BTBD7: variants seen among roughly 807,000 people sequenced by gnomAD.
The protein encoded by BTBD7 is BTB domain containing 7.
BTBD7 carries 38 observed loss-of-function variants against 99.9 expected under a neutral mutation model. The observed-to-expected ratio is 0.38, with a 90% CI of 0.29 to 0.50. The LOEUF (loss-of-function observed/expected upper bound fraction) is 0.50, where lower values mean the gene tolerates loss of function less well. BTBD7 is among the 20% of genes least tolerant of loss of function. The pLI, the probability that BTBD7 is intolerant of heterozygous loss-of-function variation, is 0.93. For synonymous variants in BTBD7, 520 were observed against 511.4 expected, an observed-to-expected ratio of 1.02 and a Z score of -0.23; for missense variants, 1,170 against 1,394.6, an observed-to-expected ratio of 0.84 and a Z score of 2.57.
chr14:93,304,925 C>G lies in BTBD7; in HGVS notation c.-106-8768G>C, dbSNP rs1055081350. Among the ~76,000 whole-genome samples the G allele has an allele frequency of 8.4e-4, 128 of 152,188 alleles. 1 individual carries two copies. Among genetic ancestry groups the G allele is most frequent in the Admixed American group, 4.6e-4 (7 of 15,282 alleles). On this transcript the variant is annotated intron_variant, in intron 1 of 10. Transcript: ENST00000334746. ...GAGTAAGCCTGAGACTATGGCTGCA[C>G]AGACAGAAGAGAACACAGAACAAAA... is the stretch of plus-strand genomic sequence containing the variant.
rs1218871779 is a variant in BTBD7 at position 93,251,645 on chromosome 14, A to G, written c.1760T>C (p.Leu587Pro). The change falls in exon 8 of 11, where the codon CTA becomes CCA. Residue 587 changes from leucine (L) to proline (P), a missense_variant. Physicochemically the swap from Leu to Pro is moderately conservative, Grantham distance 98 (BLOSUM62 -3). This residue lies in a region of BTBD7 where 309 missense variants were observed against 342.0 expected (regional missense o/e 0.90). Coordinates refer to ENST00000334746, the MANE Select transcript of BTBD7 (RefSeq NM_001002860.4). ...SPYVEEAKSV[L>P]DEMMVEQTDL... ...CGTTTGTTCCACCATCATCTCATCTAGCACTGACTGAAATAATCATTCAGT... is the reference window on the plus strand; with the variant it reads ...CGTTTGTTCCACCATCATCTCATCTGGCACTGACTGAAATAATCATTCAGT... 6.3e-7 allele frequency: 1 copy of G among 1,591,888 alleles called. No individual in the cohort carries two copies. The highest frequency in any genetic ancestry group is 1.7e-5 in the Admixed American group (1 of 59,586).
chr14:93,279,776 T>A (rs745565937), intron 3 of BTBD7, among the ~76,000 whole-genome samples: 25 of 152,234 alleles, frequency 1.6e-4, no homozygotes, highest in Non-Finnish European at 3.5e-4. Context: ...GACTATCATT[T>A]TCATTACTTT....
At chr14:93,270,156 C>T (rs1159811886) in intron 3 of BTBD7, among the ~76,000 whole-genome samples, 1 of 152,076 alleles carries the variant, frequency 6.6e-6, no homozygotes, top group Non-Finnish European at 1.5e-5. Flanking sequence ...AGTGCAGTGG[C>T]GTGATCTCAG....
At chr14:93,275,673 A>AT (rs912149657) in intron 3 of BTBD7, among the ~76,000 whole-genome samples, 2 of 152,104 alleles carry the variant, frequency 1.3e-5, no homozygotes, top group South Asian at 2.1e-4. Context: ...ATATAAGGCC[A>AT]TTTTTTTGCT....
intron 3 of BTBD7, among the ~76,000 whole-genome samples, chr14:93,290,828 C>T (rs1011441735): frequency 8.6e-5 from 13 of 151,756 alleles, no homozygotes; most frequent in African/African-American, 2.7e-4. Flanking sequence ...GGACTAGAAG[C>T]GTGTACCATG....
intron 9 of BTBD7, among the ~76,000 whole-genome samples, chr14:93,246,490 A>T (rs1221153601): frequency 6.6e-6 from 1 of 152,252 alleles, no homozygotes; most frequent in Non-Finnish European, 1.5e-5. Flanking sequence ...AGCCTAGGAC[A>T]CAGCCATGAA....
chr14:93,321,100 A>G (rs1037485015), intron 1 of BTBD7, among the ~76,000 whole-genome samples: 6 of 152,196 alleles, frequency 3.9e-5, no homozygotes, highest in African/African-American at 1.4e-4. Flanking sequence ...TAAAAATTTC[A>G]CTTTGTATAA....
At chr14:93,258,606 A>C (rs1385874039) in intron 5 of BTBD7, among the ~76,000 whole-genome samples, 1 of 152,128 alleles carries the variant, frequency 6.6e-6, no homozygotes, top group Non-Finnish European at 1.5e-5. Flanking sequence ...ATTTTTTAAG[A>C]TGGAGTCTTG....
In BTBD7 at chr14:93,248,348, C is replaced by T. The variant is rs565001977; in HGVS notation, c.2121+128G>A. ...GGAGGGACTTGCAGGTTATCAAAGACACCAAAGGCAGTGAAAAAGCACATA... is the reference window on the plus strand; with the variant it reads ...GGAGGGACTTGCAGGTTATCAAAGATACCAAAGGCAGTGAAAAAGCACATA... On this transcript the variant is annotated intron_variant, in intron 9 of 10. Transcript: ENST00000334746. The T allele has an allele frequency of 9.5e-6, 9 of 945,672 alleles. No homozygotes were observed. In the African/African-American group the frequency reaches 1.5e-4, roughly 16 times the overall value. The allele number at this position is 945,672 out of a possible 1,614,324, so 58.6% of individuals were successfully genotyped here.
intron 1 of BTBD7, among the ~76,000 whole-genome samples, chr14:93,298,673 AT>A (rs1183232806): frequency 2.0e-5 from 3 of 152,216 alleles, no homozygotes; most frequent in Non-Finnish European, 4.4e-5. Context: ...TACTTAAACC[AT>A]GTCAAAAATC....
At chr14:93,276,871 GAC>G (rs140043990) in intron 3 of BTBD7, among the ~76,000 whole-genome samples, 8 of 145,984 alleles carry the variant, frequency 5.5e-5, no homozygotes, top group Admixed American at 6.9e-5. Context: ...TTCAAGCCAC[GAC>G]ACACACACAC....
chr14:93,317,658 CTA>C (rs2139816389), intron 1 of BTBD7, among the ~76,000 whole-genome samples: 1 of 152,342 alleles, frequency 6.6e-6, no homozygotes, highest in East Asian at 1.9e-4. Context: ...CCTAAGACTG[CTA>C]TCTTTAGAAA....
At chr14:93,258,027 G>A (rs1170093321) in intron 5 of BTBD7, among the ~76,000 whole-genome samples, 1 of 152,114 alleles carries the variant, frequency 6.6e-6, no homozygotes, top group East Asian at 1.9e-4. Context: ...GTATGCTTAT[G>A]CTATTGAGGT....
At chr14:93,246,313 A>T in intron 9 of BTBD7, 27 bp from the exon 10 acceptor site, 1 of 1,335,470 alleles carries the variant, frequency 7.5e-7, no homozygotes, top group Non-Finnish European at 1.0e-6. Context: ...AAAAAAAAAA[A>T]GGACATTTAT....
At chr14:93,298,906 A>C (rs903926538) in intron 1 of BTBD7, among the ~76,000 whole-genome samples, 9 of 152,180 alleles carry the variant, frequency 5.9e-5, no homozygotes, top group Non-Finnish European at 8.8e-5. Context: ...TGCTACAATA[A>C]GCAGTAGTAG....
At chr14:93,265,529 CAG>C (rs1297083065) in intron 3 of BTBD7, among the ~76,000 whole-genome samples, 6 of 152,360 alleles carry the variant, frequency 3.9e-5, no homozygotes, top group Admixed American at 6.5e-5. Context: ...CATGAAGAGA[CAG>C]GGGATGGGAT....
intron 9 of BTBD7, among the ~76,000 whole-genome samples, chr14:93,247,414 C>T (rs1011123837): frequency 6.6e-6 from 1 of 152,152 alleles, no homozygotes; most frequent in African/African-American, 2.4e-5. Context: ...GTGGTGCAAT[C>T]TTGGCTCACA....
At position 93,302,697 on chromosome 14, in the gene BTBD7, T is replaced by A. The variant is rs570429018; in HGVS notation, c.-106-6540A>T. Among the ~76,000 whole-genome samples the A allele has an allele frequency of 2.6e-5, 4 of 152,096 alleles. No individual in the cohort carries two copies. In the East Asian group the frequency reaches 7.7e-4, roughly 29 times the overall value. On this transcript the variant is annotated intron_variant, in intron 1 of 10. Transcript: ENST00000334746. ...CTGTCTCTACTAAAAATACAAAAAT[T>A]AGCCCGGCGTGGTGGCATGTGACTG... is the stretch of plus-strand genomic sequence containing the variant.
At chr14:93,303,225 G>A (rs2053026339) in intron 1 of BTBD7, among the ~76,000 whole-genome samples, 1 of 152,172 alleles carries the variant, frequency 6.6e-6, no homozygotes, top group Non-Finnish European at 1.5e-5. Flanking sequence ...AGGAAAGTAA[G>A]TGTTAATAAG....
Sources: gnomAD v4.1 joint callset for allele counts (sites outside exome capture counted in the v4.1 genomes callset) on GRCh38, gnomAD v4.1.1 for gene constraint, gnomAD v4.1.1 regional missense constraint, MANE v1.5 for transcripts, NCBI Gene and HGNC (gene_info 2026-07-23, HGNC 2026-07-21) for gene names.